The following VTI1A variants were observed in gnomAD, a reference collection of about 807,000 sequenced individuals.
VTI1A encodes vesicle transport through interaction with t-SNAREs 1A.
VTI1A carries 22 observed loss-of-function variants against 34.9 expected under a neutral mutation model. The ratio of observed to expected loss-of-function variants is 0.63; its 90% CI spans 0.45 to 0.90. VTI1A has a LOEUF of 0.90. VTI1A is among the 40% of genes least tolerant of loss of function. The pLI is 0.00. For missense variants in VTI1A, 268 were observed against 275.6 expected (o/e 0.97, Z 0.20); for synonymous variants, 87 against 97.3 (o/e 0.89, Z 0.62).
At chr10:112,488,341 T>C (rs567949799) in intron 3 of VTI1A, among the ~76,000 whole-genome samples, 2 of 152,340 alleles carry the variant, frequency 1.3e-5, no homozygotes, top group South Asian at 2.1e-4. Context: ...TCTAATATTC[T>C]AGAAAAATTG....
intron 3 of VTI1A, among the ~76,000 whole-genome samples, chr10:112,509,598 CAAAGATAATTCAGAGAA>C (rs1267484284): frequency 2.0e-5 from 3 of 152,116 alleles, no homozygotes; most frequent in Non-Finnish European, 4.4e-5. Flanking sequence ...CTACCATGCC[CAAAGATAATTCAGAGAA>C]AATTCTGGGG....
Position 112,744,459 on chromosome 10 carries a change from C to CTTTTT in VTI1A, c.561-70816_561-70812dup, listed in dbSNP as rs11400561. On this transcript the variant is annotated intron_variant, in intron 7 of 7. Coordinates refer to ENST00000393077, the MANE Select transcript of VTI1A (RefSeq NM_145206.4). ...ACATGCTTACATTTTCTTCTTCTTC[C>CTTTTT]TTTTTTTTTTTTTTTTTTTGAGACA... Among the ~76,000 whole-genome samples, 163 of 126,064 alleles carry CTTTTT rather than the reference C, an allele frequency of 1.3e-3. 7 individuals carry two copies. The highest frequency in any genetic ancestry group is 4.9e-3 in the African/African-American group (153 of 31,402). The allele number at this position is 126,064 out of a possible 152,430, so 82.7% of individuals were successfully genotyped here.
At chr10:112,647,119 T>A (rs945280673) in intron 5 of VTI1A, among the ~76,000 whole-genome samples, 2 of 152,112 alleles carry the variant, frequency 1.3e-5, no homozygotes, top group Non-Finnish European at 1.5e-5. Flanking sequence ...AAGAAAAAAA[T>A]GAGTGGAGAG....
At chr10:112,514,256 G>A (rs1474407128) in intron 3 of VTI1A, among the ~76,000 whole-genome samples, 1 of 151,810 alleles carries the variant, frequency 6.6e-6, no homozygotes, top group Non-Finnish European at 1.5e-5. Context: ...ATGTGCCTAG[G>A]AATTTATCCA....
At chr10:112,683,252 G>A (rs1004018525) in intron 7 of VTI1A, among the ~76,000 whole-genome samples, 2 of 152,108 alleles carry the variant, frequency 1.3e-5, no homozygotes, top group Admixed American at 6.5e-5. Context: ...GAGCAGTTGC[G>A]ATTCCCCAAA....
intron 3 of VTI1A, among the ~76,000 whole-genome samples, chr10:112,519,482 C>T (rs1370473725): frequency 6.6e-6 from 1 of 152,056 alleles, no homozygotes; most frequent in East Asian, 1.9e-4. Flanking sequence ...CTATTGATAG[C>T]AAAGAATAAA....
intron 5 of VTI1A, among the ~76,000 whole-genome samples, chr10:112,571,792 G>A: frequency 6.6e-6 from 1 of 152,112 alleles, no homozygotes. Context: ...CGTACACTGT[G>A]GAATATTACA....
At chr10:112,550,052 T>C (rs980345384) in intron 5 of VTI1A, among the ~76,000 whole-genome samples, 2 of 152,180 alleles carry the variant, frequency 1.3e-5, no homozygotes, top group African/African-American at 4.8e-5. Context: ...AGTGAATTCA[T>C]AGGGTTCATT....
the VTI1A span, among the ~76,000 whole-genome samples, chr10:112,839,150 G>C: frequency 8.6e-3 from 1,312 of 152,334 alleles, 18 homozygotes; most frequent in African/African-American, 0.03. Flanking sequence ...ACTGGGGATG[G>C]AGTCGAAACT....
chr10:112,789,025 A>T (rs11196110), intron 7 of VTI1A, among the ~76,000 whole-genome samples: 36,728 of 152,050 alleles, frequency 0.24, 5,167 homozygotes, highest in Middle Eastern at 0.35. Context: ...ACAATACAAA[A>T]TTATAGTGAG....
rs1375184878 is a variant in VTI1A, at chr10:112,755,789, CA to C, written c.561-59498del. Among the ~76,000 whole-genome samples, 5 of 152,082 alleles carry C rather than the reference CA, an allele frequency of 3.3e-5. No homozygotes were observed. In the East Asian group the frequency reaches 9.6e-4, roughly 29 times the overall value. On this transcript the variant is annotated intron_variant, in intron 7 of 7. Coordinates refer to ENST00000393077, the MANE Select transcript of VTI1A (RefSeq NM_145206.4). ...AAAAAATGTTAATTTCGTCTGGAGC[CA>C]AACAGGTAATTTTCCCCTCAGCATT...
chr10:112,713,644 C>T (rs2133925932), intron 7 of VTI1A, among the ~76,000 whole-genome samples: 1 of 152,276 alleles, frequency 6.6e-6, no homozygotes, highest in South Asian at 2.1e-4. Flanking sequence ...ATCATGCAGT[C>T]AGCCTCCAAG....
chr10:112,499,911 C>A (rs1483163882), intron 3 of VTI1A, among the ~76,000 whole-genome samples: 1 of 152,178 alleles, frequency 6.6e-6, no homozygotes, highest in Non-Finnish European at 1.5e-5. Context: ...CTCTCTTGTT[C>A]TCTTGACGTT....
chr10:112,453,936 G>C (rs541088554), intron 1 of VTI1A, among the ~76,000 whole-genome samples: 4 of 152,232 alleles, frequency 2.6e-5, no homozygotes, highest in South Asian at 2.1e-4. Context: ...ATATCTACAA[G>C]CATTTGCATA....
chr10:112,665,212 A>G (rs969260994), intron 5 of VTI1A, among the ~76,000 whole-genome samples: 1 of 152,152 alleles, frequency 6.6e-6, no homozygotes, highest in African/African-American at 2.4e-5. Flanking sequence ...AATAATCGCT[A>G]AACCCAAGAT....
intron 7 of VTI1A, among the ~76,000 whole-genome samples, chr10:112,717,183 C>T (rs1849639563): frequency 1.3e-5 from 2 of 152,218 alleles, no homozygotes; most frequent in African/African-American, 4.8e-5. Context: ...TGTTGATTTA[C>T]AAGGCGTCTT....
intron 7 of VTI1A, among the ~76,000 whole-genome samples, chr10:112,695,085 T>C (rs1489723869): frequency 6.6e-6 from 1 of 152,210 alleles, no homozygotes; most frequent in East Asian, 1.9e-4. Context: ...ATGGAACACA[T>C]GAAATTTTTT....
At chr10:112,754,293 G>A (rs953926415) in intron 7 of VTI1A, among the ~76,000 whole-genome samples, 1 of 151,904 alleles carries the variant, frequency 6.6e-6, no homozygotes, top group Non-Finnish European at 1.5e-5. Context: ...TCCTCAGGCC[G>A]CCCCGCTCAT....
intron 5 of VTI1A, among the ~76,000 whole-genome samples, chr10:112,614,474 A>G (rs890058697): frequency 9.9e-5 from 15 of 152,238 alleles, no homozygotes; most frequent in African/African-American, 3.4e-4. Context: ...CCATGGCTTC[A>G]TCATGCCTGG....
Sources: gnomAD v4.1 joint callset for allele counts (sites outside exome capture counted in the v4.1 genomes callset) on GRCh38, gnomAD v4.1.1 for gene constraint, MANE v1.5 for transcripts, NCBI Gene and HGNC (gene_info 2026-07-23, HGNC 2026-07-21) for gene names.